IKZF3: variants seen among roughly 807,000 people sequenced by gnomAD.
IKZF3 encodes the protein IKAROS family zinc finger 3.
A neutral mutation model predicts 49.0 loss-of-function variants in IKZF3; 10 were observed. That is an observed-to-expected ratio of 0.20 (90% CI 0.13 to 0.35). The LOEUF is 0.35. Among genes scored for constraint, IKZF3 ranks in the 10% least tolerant of loss-of-function variants. The pLI is 1.00. For missense variants in IKZF3, 498 were observed against 664.8 expected, an observed-to-expected ratio of 0.75 and a Z score of 2.76; for synonymous variants, 209 against 228.2, an observed-to-expected ratio of 0.92 and a Z score of 0.76.
intron 1 of IKZF3, among the ~76,000 whole-genome samples, chr17:39,850,499 T>C (rs1224253345): frequency 9.5e-6 from 1 of 104,980 alleles, no homozygotes; most frequent in African/African-American, 4.0e-5. Flanking sequence ...ATTATACATG[T>C]ACATATAATA....
At chr17:39,827,346 T>C (rs189728220) in intron 3 of IKZF3, among the ~76,000 whole-genome samples, 156 of 151,228 alleles carry the variant, frequency 1.0e-3, no homozygotes, top group Middle Eastern at 3.4e-3. Context: ...CAGGCTGGAG[T>C]GCAGTAGCAG....
At chr17:39,828,629 G>GAGTACTGTGC (rs1244291327) in intron 3 of IKZF3, among the ~76,000 whole-genome samples, 1 of 152,200 alleles carries the variant, frequency 6.6e-6, no homozygotes, top group Admixed American at 6.5e-5. Flanking sequence ...AAAGTAGGGA[G>GAGTACTGTGC]AGTACTGTGC....
intron 3 of IKZF3, among the ~76,000 whole-genome samples, chr17:39,803,309 T>G (rs1201602408): frequency 3.3e-5 from 5 of 152,212 alleles, no homozygotes; most frequent in Non-Finnish European, 7.3e-5. Flanking sequence ...TGTATTAAAC[T>G]CTTTTGTATT....
intron 6 of IKZF3, among the ~76,000 whole-genome samples, chr17:39,781,923 G>C (rs776450554): frequency 6.6e-6 from 1 of 152,160 alleles, no homozygotes; most frequent in Non-Finnish European, 1.5e-5. Flanking sequence ...TTTGAGGCAT[G>C]GGTGGAGACT....
At chr17:39,822,177 T>C (rs1245827988) in intron 3 of IKZF3, among the ~76,000 whole-genome samples, 1 of 152,204 alleles carries the variant, frequency 6.6e-6, no homozygotes, top group Non-Finnish European at 1.5e-5. Context: ...ATATGCTTCA[T>C]ATGCAAGCCA....
chr17:39,778,430 A>G (rs1222232219), intron 6 of IKZF3, among the ~76,000 whole-genome samples: 3 of 152,040 alleles, frequency 2.0e-5, no homozygotes, highest in Admixed American at 2.0e-4. Flanking sequence ...AAATTTCCCT[A>G]AGCAACACTT....
chr17:39,791,123 A>C lies in IKZF3; in HGVS notation c.592+293T>G, dbSNP rs948707967. ...ACCAGAAGAAAATACTGATGGCTAT[A>C]ATTTTCTCACAAAAATTAAAAGGAC... is the stretch of plus-strand genomic sequence containing the variant. On this transcript the variant is annotated intron_variant, in intron 5 of 7. Coordinates refer to ENST00000346872, the MANE Select transcript of IKZF3 (RefSeq NM_012481.5). Among the ~76,000 whole-genome samples the C allele has an allele frequency of 2.9e-4, 44 of 152,156 alleles. 1 individual carries two copies. Among genetic ancestry groups the C allele is most frequent in the Non-Finnish European group, 4.4e-5 (3 of 68,020 alleles).
In IKZF3 at chr17:39,809,343, C is replaced by T. The variant is rs117934495; in HGVS notation, c.164-16410G>A. 4.3e-3 allele frequency among the ~76,000 whole-genome samples: 656 copies of T among 152,244 alleles called. 21 individuals carry two copies. The East Asian group carries it at 0.057, about 13-fold the overall frequency. ...AGCAGATTTCAACCAGGCAGCTAAA[C>T]GAGAAAACATCTGGACCTACCAGTC... On this transcript the variant is annotated intron_variant, in intron 3 of 7. Coordinates refer to ENST00000346872, the MANE Select transcript of IKZF3 (RefSeq NM_012481.5).
In IKZF3 at chr17:39,864,228, G is replaced by A; in HGVS notation, c.-102C>T. The A allele has an allele frequency of 2.9e-6, 4 of 1,372,616 alleles. No homozygotes were observed. The highest frequency in any genetic ancestry group is 4.0e-6 in the Non-Finnish European group (4 of 1,003,490). 85.0% of individuals were successfully genotyped at this position (1,372,616 alleles called of 1,614,324 possible). Reference sequence around the variant, plus strand: ...AGCGCGCAGCTGGCGGGAGATTCCCGGCGCGGGGAGTCCCCGGGATCCGGC... The same window carrying A: ...AGCGCGCAGCTGGCGGGAGATTCCCAGCGCGGGGAGTCCCCGGGATCCGGC... On this transcript the variant is annotated 5_prime_UTR_variant, in exon 1 of 8. Coordinates refer to ENST00000346872, the MANE Select transcript of IKZF3 (RefSeq NM_012481.5).
chr17:39,849,708 C>G (rs1297178867), intron 1 of IKZF3, among the ~76,000 whole-genome samples: 3 of 151,884 alleles, frequency 2.0e-5, no homozygotes, highest in Non-Finnish European at 4.4e-5. Flanking sequence ...AAACCTTAGA[C>G]GCTTCAGGAA....
intron 3 of IKZF3, among the ~76,000 whole-genome samples, chr17:39,825,179 A>G (rs2061924956): frequency 6.6e-6 from 1 of 152,200 alleles, no homozygotes; most frequent in Non-Finnish European, 1.5e-5. Context: ...ATTTCTTCAT[A>G]GCAGCATGAG....
chr17:39,809,525 T>C (rs2061503595), intron 3 of IKZF3, among the ~76,000 whole-genome samples: 1 of 152,224 alleles, frequency 6.6e-6, no homozygotes, highest in Non-Finnish European at 1.5e-5. Context: ...TCCAAAGCTT[T>C]GAAAGTACTG....
chr17:39,823,117 C>T (rs1474574005), intron 3 of IKZF3, among the ~76,000 whole-genome samples: 1 of 152,164 alleles, frequency 6.6e-6, no homozygotes, highest in African/African-American at 2.4e-5. Context: ...AAGCTTGGAA[C>T]TTCCTAGAGA....
Position 39,792,720 on chromosome 17 carries a change from G to C in IKZF3, c.377C>G (p.Ser126Cys). ...CATTAAGACATTGAAGCTGATGCAG[G>C]ATAATCCACACACATCGCAGTTCAT... ...GKMNCDVCGL[S>C]CISFNVLMVH... Residue 126 changes from serine (S) to cysteine (C), a missense_variant, in exon 4 of 8, where the codon TCC becomes TGC. Physicochemically the swap from Ser to Cys is moderately radical, Grantham distance 112. Around this residue, in one of 3 missense-constraint regions of IKZF3, gnomAD observed 84 missense variants for 168.6 expected, o/e 0.50. Coordinates refer to ENST00000346872, the MANE Select transcript of IKZF3 (RefSeq NM_012481.5). 1 of 1,614,116 alleles carries C rather than the reference G, an allele frequency of 6.2e-7. No individual in the cohort carries two copies. The highest frequency in any genetic ancestry group is 8.5e-7 in the Non-Finnish European group (1 of 1,179,994).
intron 3 of IKZF3, among the ~76,000 whole-genome samples, chr17:39,801,770 A>C (rs1024928734): frequency 1.3e-5 from 2 of 152,258 alleles, no homozygotes; most frequent in African/African-American, 4.8e-5. Context: ...CAGTAAAATT[A>C]TAAAGCTTCA....
At chr17:39,795,810 T>C (rs2061147314) in intron 3 of IKZF3, among the ~76,000 whole-genome samples, 1 of 149,928 alleles carries the variant, frequency 6.7e-6, no homozygotes, top group African/African-American at 2.4e-5. Flanking sequence ...CTCAGCACTT[T>C]GGGAGGCCAA....
chr17:39,804,557 TA>T (rs1294616560), intron 3 of IKZF3, among the ~76,000 whole-genome samples: 2 of 152,034 alleles, frequency 1.3e-5, no homozygotes, highest in African/African-American at 4.8e-5. Flanking sequence ...TAGATCACAA[TA>T]GACCCCTAAC....
chr17:39,797,375 A>C (rs1162318463), intron 3 of IKZF3, among the ~76,000 whole-genome samples: 1 of 150,204 alleles, frequency 6.7e-6, no homozygotes, highest in East Asian at 1.9e-4. Context: ...AACACTACTG[A>C]CCACTCACCA....
chr17:39,844,499 G>A (rs1414637215), intron 1 of IKZF3, among the ~76,000 whole-genome samples: 1 of 151,772 alleles, frequency 6.6e-6, no homozygotes. Context: ...ATTCAAACAA[G>A]GTTTACCTAA....
Sources: allele counts gnomAD v4.1 joint callset (sites outside exome capture counted in the v4.1 genomes callset), GRCh38; gene constraint gnomAD v4.1.1; regional missense constraint gnomAD v4.1.1; transcripts MANE v1.5; gene names NCBI Gene and HGNC (gene_info 2026-07-23, HGNC 2026-07-21).